RALGDS: variants seen among roughly 807,000 people sequenced by gnomAD.
RALGDS encodes ral guanine nucleotide dissociation stimulator, also known as ral guanine nucleotide exchange factor.
In RALGDS, 44 loss-of-function variants were observed where a neutral mutation model predicts 99.8. The observed-to-expected ratio is 0.44, with a 90% CI of 0.35 to 0.57. The LOEUF is 0.57. Ranked by LOEUF, RALGDS falls within the 20% of genes least tolerant of loss-of-function variation. The pLI is 0.01. For synonymous variants in RALGDS, 529 were observed against 505.0 expected (o/e 1.05, Z -0.64); for missense variants, 1,022 against 1,203.1 (o/e 0.85, Z 2.23).
chr9:133,122,950 C>T (rs909790706), upstream of RALGDS, among the ~76,000 whole-genome samples: 2 of 152,048 alleles, frequency 1.3e-5, no homozygotes, highest in South Asian at 2.1e-4. Context: ...GTGAACCGCT[C>T]GCCTCGGCCT....
intron 1 of RALGDS, among the ~76,000 whole-genome samples, chr9:133,126,303 C>T (rs1369638209): frequency 6.6e-6 from 1 of 152,082 alleles, no homozygotes; most frequent in East Asian, 1.9e-4. Context: ...ACAGACCTTT[C>T]GGAAGTCGGG....
intron 1 of RALGDS, among the ~76,000 whole-genome samples, chr9:133,126,383 CAT>C (rs1406576711): frequency 2.0e-5 from 3 of 152,248 alleles, no homozygotes; most frequent in Non-Finnish European, 4.4e-5. Context: ...CCCACCCACA[CAT>C]GTGTTTTGTT....
intron 14 of RALGDS, 56 bp from the exon 15 acceptor site, chr9:133,102,195 A>G (rs1419366035): frequency 3.3e-6 from 5 of 1,525,332 alleles, no homozygotes; most frequent in Non-Finnish European, 4.4e-6. Flanking sequence ...TCCCAACCCC[A>G]CAGCCCCTGC....
chr9:133,108,514 C>CAT, intron 5 of RALGDS, 108 bp from the exon 6 acceptor site: 2 of 1,425,256 alleles, frequency 1.4e-6, no homozygotes, highest in Non-Finnish European at 1.9e-6. Context: ...ACCCACAAAA[C>CAT]GTGTACCAGG....
intron 17 of RALGDS, 87 bp downstream of exon 17, chr9:133,100,181 T>G: frequency 8.1e-7 from 1 of 1,241,838 alleles, no homozygotes; most frequent in Non-Finnish European, 1.2e-6. Flanking sequence ...GCTGGTGAAT[T>G]TTCTGGGGCC....
At position 133,098,002 on chromosome 9, in the gene RALGDS, G is replaced by A; in HGVS notation, c.*585C>T. The A allele has an allele frequency of 4.0e-6, 1 of 248,662 alleles. No homozygotes were observed. The highest frequency in any genetic ancestry group is 1.4e-4 in the South Asian group (1 of 7,036). 15.4% of individuals were successfully genotyped at this position (248,662 alleles called of 1,614,324 possible). A position where few individuals can be genotyped will look rare whatever the true frequency, so the allele number is the denominator to read the frequency against. ...CTGGGACTGTCCTCACTCACCGGGT[G>A]CAGAGTCTGGTCCATGAAGAGGGTT... On this transcript the variant is annotated 3_prime_UTR_variant, in exon 18 of 18. Coordinates refer to ENST00000372050, the MANE Select transcript of RALGDS (RefSeq NM_006266.4).
upstream of RALGDS, among the ~76,000 whole-genome samples, chr9:133,124,809 A>G (rs1832095051): frequency 6.6e-6 from 1 of 152,216 alleles, no homozygotes; most frequent in Non-Finnish European, 1.5e-5. Context: ...ACCAAGGGCA[A>G]GGCCATCCTG....
chr9:133,131,060 T>G (rs1832319571), exon 1 of RALGDS: 1 of 1,520,390 alleles, frequency 6.6e-7, no homozygotes, highest in African/African-American at 1.4e-5. Context: ...GGGCAGGGGC[T>G]GTGGAGTGCC....
chr9:133,098,602 G>A lies in RALGDS; in HGVS notation c.2730C>T (p.Ala910=), dbSNP rs190743751. The change falls in exon 18 of 18, where the codon GCC becomes GCT. Residue 910 remains alanine, a synonymous_variant. Coordinates refer to ENST00000372050, the MANE Select transcript of RALGDS (RefSeq NM_006266.4). ...PRMKQKGLKI[A]KGIF ...GAGGATGCCCTCAGAAGATGCCCTT[G>A]GCAATCTTGAGTCCTTTCTGCTTCA... The A allele has an allele frequency of 5.8e-5, 94 of 1,614,162 alleles. No individual in the cohort carries two copies. Among genetic ancestry groups the A allele is most frequent in the Non-Finnish European group, 7.5e-5 (89 of 1,180,020 alleles).
At chr9:133,103,146 G>A (rs748438255) in intron 12 of RALGDS, 84 bp downstream of exon 12, 3 of 1,544,694 alleles carry the variant, frequency 1.9e-6, no homozygotes, top group Non-Finnish European at 2.7e-6. Context: ...ATGAATCTAA[G>A]GAGAGGGTAG....
At chr9:133,102,162 T>A in intron 14 of RALGDS, 23 bp from the exon 15 acceptor site, 2 of 1,552,068 alleles carry the variant, frequency 1.3e-6, no homozygotes, top group Non-Finnish European at 1.7e-6. Context: ...TTGGCTTAGT[T>A]AAGGGGGCTC....
At chr9:133,135,986 GGA>G (rs1832419048), upstream of RALGDS, among the ~76,000 whole-genome samples, 1 of 152,162 alleles carries the variant, frequency 6.6e-6, no homozygotes, top group Non-Finnish European at 1.5e-5. Context: ...CTCTACTGAA[GGA>G]GATGAGGATC....
intron 1 of RALGDS, among the ~76,000 whole-genome samples, chr9:133,148,213 T>A (rs931980549): frequency 9.2e-5 from 14 of 152,154 alleles, no homozygotes; most frequent in African/African-American, 3.4e-4. Context: ...CATTCCAATT[T>A]ATAGAGCAGG....
chr9:133,138,041 C>T (rs914725645), intron 1 of RALGDS, among the ~76,000 whole-genome samples: 9 of 152,290 alleles, frequency 5.9e-5, no homozygotes, highest in South Asian at 2.1e-4. Context: ...ACTGTGTGCC[C>T]GGTGCCGCCA....
Position 133,100,265 on chromosome 9 carries a change from T to TA in RALGDS, c.2569+2dup. ...GCCATCGCCCTCTGGTCTTCTGACT[T>TA]ACTCCGGTCATCTGAGAGAATCTGC... On this transcript the variant is annotated splice_region_variant and intron_variant, in intron 17 of 17. Coordinates refer to ENST00000372050, the MANE Select transcript of RALGDS (RefSeq NM_006266.4). 6.2e-7 allele frequency: 1 copy of TA among 1,613,946 alleles called. No homozygotes were observed. The highest frequency in any genetic ancestry group is 8.5e-7 in the Non-Finnish European group (1 of 1,179,770).
Position 133,121,040 on chromosome 9 carries a change from C to T in RALGDS, c.115G>A (p.Val39Ile), listed in dbSNP as rs1176896879. Residue 39 changes from valine (V) to isoleucine (I), a missense_variant, in exon 1 of 18, where the codon GTC becomes ATC. Transcript: ENST00000372050. ...VWDAVRLEVG[V>I]PDSCPVVLHS... The stretch of plus-strand genomic sequence containing the variant: ...AGCACCACCGGGCAGCTGTCGGGGA[C>T]GCCCACCTCCAGGCGCACGGCGTCC... 2.7e-6 allele frequency: 4 copies of T among 1,494,244 alleles called. No individual in the cohort carries two copies. The highest frequency in any genetic ancestry group is 2.8e-5 in the East Asian group (1 of 36,052). The allele number at this position is 1,494,244 out of a possible 1,614,324, so 92.6% of individuals were successfully genotyped here. A position where few individuals can be genotyped will look rare whatever the true frequency, so the allele number is the denominator to read the frequency against.
intron 1 of RALGDS, among the ~76,000 whole-genome samples, chr9:133,114,850 C>A (rs1326426176): frequency 6.6e-6 from 1 of 152,238 alleles, no homozygotes; most frequent in African/African-American, 2.4e-5. Flanking sequence ...TGTAAACACA[C>A]TGTCTGGCCT....
At chr9:133,118,204 T>C (rs1383694647) in intron 1 of RALGDS, among the ~76,000 whole-genome samples, 1 of 152,170 alleles carries the variant, frequency 6.6e-6, no homozygotes, top group East Asian at 1.9e-4. Context: ...TCTGTACACA[T>C]GCATGCAGGG....
At chr9:133,117,914 C>T (rs772634451) in intron 1 of RALGDS, among the ~76,000 whole-genome samples, 6 of 152,224 alleles carry the variant, frequency 3.9e-5, no homozygotes, top group East Asian at 1.9e-4. Flanking sequence ...TCATTGGCAA[C>T]GCAGACAGGT....
Sources: gnomAD v4.1 joint callset for allele counts (sites outside exome capture counted in the v4.1 genomes callset) on GRCh38, gnomAD v4.1.1 for gene constraint, MANE v1.5 for transcripts, NCBI Gene and HGNC (gene_info 2026-07-23, HGNC 2026-07-21) for gene names.